The following DCC variants were observed in gnomAD, a reference collection of about 807,000 sequenced individuals.
The protein encoded by DCC is DCC netrin 1 receptor.
In DCC, 58 loss-of-function variants were observed where a neutral mutation model predicts 172.5. The observed-to-expected ratio is 0.34, with a 90% confidence interval of 0.27 to 0.42. DCC has a LOEUF of 0.42. DCC is among the 10% of genes least tolerant of loss of function. The pLI, the probability that DCC is intolerant of heterozygous loss-of-function variation, is 1.00. For missense variants in DCC, 1,740 were observed against 1,791.0 expected (o/e 0.97, Z 0.51); for synonymous variants, 709 against 644.5 (o/e 1.10, Z -1.52).
chr18:52,472,751 A>G (rs1988983077), intron 1 of DCC, among the ~76,000 whole-genome samples: 1 of 152,096 alleles, frequency 6.6e-6, no homozygotes, highest in East Asian at 1.9e-4. Context: ...AAAAACATTT[A>G]AAAATTAGCC....
intron 3 of DCC, among the ~76,000 whole-genome samples, chr18:52,913,320 C>T (rs913796806): frequency 3.3e-5 from 5 of 152,048 alleles, no homozygotes; most frequent in Non-Finnish European, 7.4e-5. Flanking sequence ...ATACATAGAC[C>T]ATTTCTGTTT....
intron 12 of DCC, among the ~76,000 whole-genome samples, chr18:53,216,576 T>C (rs2055854919): frequency 6.6e-6 from 1 of 152,186 alleles, no homozygotes; most frequent in East Asian, 1.9e-4. Flanking sequence ...GTAAAATGTA[T>C]GCGATGAATC....
chr18:53,190,689 G>A (rs2055353590), intron 9 of DCC, among the ~76,000 whole-genome samples: 1 of 152,194 alleles, frequency 6.6e-6, no homozygotes. Context: ...GTTCACGCCT[G>A]TAATCCCAGC....
At chr18:53,519,952 G>A (rs898155607) in intron 27 of DCC, among the ~76,000 whole-genome samples, 2 of 152,038 alleles carry the variant, frequency 1.3e-5, no homozygotes, top group South Asian at 4.1e-4. Context: ...GTAGGATGGT[G>A]GCTCTCTTCT....
chr18:53,181,899 G>A (rs2055204064), intron 9 of DCC, among the ~76,000 whole-genome samples: 1 of 152,166 alleles, frequency 6.6e-6, no homozygotes, highest in Non-Finnish European at 1.5e-5. Flanking sequence ...GATGGCTGCA[G>A]CATATTACCT....
intron 1 of DCC, among the ~76,000 whole-genome samples, chr18:52,656,450 TTTG>T (rs1395576304): frequency 6.6e-6 from 1 of 152,146 alleles, no homozygotes; most frequent in African/African-American, 2.4e-5. Flanking sequence ...GAAATAAATT[TTTG>T]TTGTTTATAA....
At chr18:52,917,137 C>CAAAAAAAAAAAAAAAAAAGAAAAAA (rs146388621) in intron 3 of DCC, among the ~76,000 whole-genome samples, 2 of 94,814 alleles carry the variant, frequency 2.1e-5, no homozygotes, top group African/African-American at 7.4e-5. Context: ...AAAAAGAAAA[C>CAAAAAAAAAAAAAAAAAAGAAAAAA]AAAAAAAAAA....
chr18:52,798,440 G>C (rs2037919838), intron 2 of DCC, among the ~76,000 whole-genome samples: 1 of 152,226 alleles, frequency 6.6e-6, no homozygotes, highest in South Asian at 2.1e-4. Flanking sequence ...CTGACTTCAG[G>C]TGATCCTCTT....
intron 2 of DCC, among the ~76,000 whole-genome samples, chr18:52,762,610 A>T (rs928406762): frequency 6.6e-6 from 1 of 152,224 alleles, no homozygotes; most frequent in Non-Finnish European, 1.5e-5. Flanking sequence ...GATCACTTAA[A>T]GACAGGAGTT....
chr18:52,885,155 C>T (rs1269639731), intron 2 of DCC, among the ~76,000 whole-genome samples: 1 of 152,024 alleles, frequency 6.6e-6, no homozygotes, highest in Non-Finnish European at 1.5e-5. Flanking sequence ...GTAACCACTA[C>T]CTGGCTACCA....
chr18:52,511,089 G>A (rs950671179), intron 1 of DCC, among the ~76,000 whole-genome samples: 2 of 152,038 alleles, frequency 1.3e-5, no homozygotes, highest in African/African-American at 4.8e-5. Context: ...AAACTATCCT[G>A]ACTAACATGG....
At chr18:53,159,724 T>A (rs914701634) in intron 8 of DCC, among the ~76,000 whole-genome samples, 2 of 152,186 alleles carry the variant, frequency 1.3e-5, no homozygotes, top group African/African-American at 2.4e-5. Context: ...GGTTAAAATT[T>A]TTTCACTCAA....
chr18:53,117,694 A>G (rs1444477614), intron 7 of DCC, among the ~76,000 whole-genome samples: 1 of 151,518 alleles, frequency 6.6e-6, no homozygotes, highest in Non-Finnish European at 1.5e-5. Flanking sequence ...TTTTTTTTGT[A>G]AAGACCAGGA....
intron 1 of DCC, among the ~76,000 whole-genome samples, chr18:52,682,398 G>A (rs186913282): frequency 1.6e-4 from 24 of 152,130 alleles, no homozygotes; most frequent in Admixed American, 1.3e-3. Flanking sequence ...GAAGGATTTG[G>A]AGGAAAATGC....
At chr18:53,130,854 G>T (rs2043640865) in intron 7 of DCC, among the ~76,000 whole-genome samples, 3 of 151,780 alleles carry the variant, frequency 2.0e-5, no homozygotes, top group Non-Finnish European at 2.9e-5. Context: ...GAAATGTATT[G>T]TTTTTTTCTC....
intron 1 of DCC, among the ~76,000 whole-genome samples, chr18:52,580,243 A>G (rs2033512561): frequency 6.6e-6 from 1 of 152,180 alleles, no homozygotes; most frequent in Non-Finnish European, 1.5e-5. Flanking sequence ...CAAAGACAAA[A>G]TGAGACTTTT....
At chr18:53,475,920 G>A (rs892652164) in intron 25 of DCC, among the ~76,000 whole-genome samples, 1 of 152,176 alleles carries the variant, frequency 6.6e-6, no homozygotes, top group Non-Finnish European at 1.5e-5. Flanking sequence ...AGAGCCACAG[G>A]GACGGAGATG....
At chr18:53,228,550 C>T (rs2056072131) in intron 12 of DCC, among the ~76,000 whole-genome samples, 1 of 152,092 alleles carries the variant, frequency 6.6e-6, no homozygotes, top group Non-Finnish European at 1.5e-5. Flanking sequence ...AACACCTGGG[C>T]TTGCGTAGAG....
chr18:53,289,881 A>G (rs1402945864), intron 12 of DCC, among the ~76,000 whole-genome samples: 2 of 152,184 alleles, frequency 1.3e-5, no homozygotes, highest in Admixed American at 6.5e-5. Context: ...AACTACTTCA[A>G]AAATTTTCCT....
Sources: gnomAD v4.1 joint callset for allele counts (sites outside exome capture counted in the v4.1 genomes callset) on GRCh38, gnomAD v4.1.1 for gene constraint, MANE v1.5 for transcripts, NCBI Gene and HGNC (gene_info 2026-07-23, HGNC 2026-07-21) for gene names.